The following TGFBR3L variants were observed in gnomAD, a reference collection of about 807,000 sequenced individuals.
TGFBR3L encodes the protein transforming growth factor-beta receptor type 3-like protein.
In TGFBR3L, 21 loss-of-function variants were observed where a neutral mutation model predicts 20.4. The observed-to-expected ratio is 1.03, with a 90% CI of 0.73 to 1.48. The LOEUF (loss-of-function observed/expected upper bound fraction) is 1.48. Ranked by LOEUF, TGFBR3L falls within the 40% of genes most tolerant of loss-of-function variation. TGFBR3L has a pLI of 0.00. For missense variants in TGFBR3L, 479 were observed against 498.0 expected (o/e 0.96, Z 0.36); for synonymous variants, 245 against 244.2 (o/e 1.00, Z -0.03).
chr19:7,916,777 G>A lies in TGFBR3L; in HGVS notation c.432G>A (p.Pro144=), dbSNP rs1000890710. 1.6e-5 allele frequency: 24 copies of A among 1,488,826 alleles called. No homozygotes were observed. Among genetic ancestry groups the A allele is most frequent in the Admixed American group, 4.3e-5 (2 of 46,082 alleles). The allele number at this position is 1,488,826 out of a possible 1,614,324, so 92.2% of individuals were successfully genotyped here. Residue 144 remains proline (P), a synonymous_variant, in exon 2 of 6, where the codon CCG becomes CCA. Transcript: ENST00000565886. ...TCGCCTTCCCGCCACCGCCGCCGCCGAGCCCGGGTGCCGCCCGCCCCGCGC... is the reference window on the plus strand; with the variant it reads ...TCGCCTTCCCGCCACCGCCGCCGCCAAGCCCGGGTGCCGCCCGCCCCGCGC...
chr19:7,916,558 G>T lies in TGFBR3L; in HGVS notation c.276+15G>T, dbSNP rs977898982. On this transcript the variant is annotated intron_variant, in intron 1 of 5. Transcript: ENST00000565886. ...TGTTCGTGCAGGTGGGGACCCCGGG[G>T]ACACCAGGGGCGGATGGGGGCCGGT... The T allele has an allele frequency of 6.7e-5, 98 of 1,457,706 alleles. No homozygotes were observed. Among genetic ancestry groups the T allele is most frequent in the Admixed American group, 6.4e-4 (26 of 40,316 alleles). The allele number at this position is 1,457,706 out of a possible 1,614,324, so 90.3% of individuals were successfully genotyped here.
rs773259760 is a variant in TGFBR3L, at chr19:7,916,513, G to C, written c.246G>C (p.Glu82Asp). ...TTCCTCGCCGCGCGGGGCCGCTCGA[G>C]GTCCCGGCCGACAGCCGCGTGTTCG... The change falls in exon 1 of 6, where the codon GAG becomes GAC. Residue 82 changes from glutamate (E) to aspartate (D), a missense_variant. Glu to Asp is a conservative substitution (Grantham distance 45). Transcript: ENST00000565886. The C allele has an allele frequency of 2.0e-6, 3 of 1,512,218 alleles. No homozygotes were observed. In the Admixed American group the frequency reaches 6.2e-5, roughly 31 times the overall value. The allele number at this position is 1,512,218 out of a possible 1,614,324, so 93.7% of individuals were successfully genotyped here.
Position 7,916,202 on chromosome 19 carries a change from G to A in TGFBR3L, c.-66G>A, listed in dbSNP as rs1219765958. ...CTGCAACCGGCTCAGTTGCTGGGCT[G>A]TGCGAGTCCCAGGGGTCGCCAGGGG... is the stretch of plus-strand genomic sequence containing the variant. On this transcript the variant is annotated 5_prime_UTR_variant, in exon 1 of 6. Transcript: ENST00000565886. 4.4e-5 allele frequency: 66 copies of A among 1,497,630 alleles called. No homozygotes were observed. Among genetic ancestry groups the A allele is most frequent in the Non-Finnish European group, 5.4e-5 (61 of 1,126,636 alleles). The allele number at this position is 1,497,630 out of a possible 1,614,324, so 92.8% of individuals were successfully genotyped here. A position where few individuals can be genotyped will look rare whatever the true frequency, so the allele number is the denominator to read the frequency against.
chr19:7,915,214 A>G lies in TGFBR3L; in HGVS notation c.-1054A>G, dbSNP rs967329541. 3.2e-4 allele frequency among the ~76,000 whole-genome samples: 48 copies of G among 152,080 alleles called. No homozygotes were observed. In the East Asian group the frequency reaches 5.4e-3, roughly 17 times the overall value. ...GGTCTCGAACTCCTGACCTCAGGCG[A>G]TCCGCCCGCCTCGAACTTTTCAAAG... On this transcript the variant is annotated 5_prime_UTR_variant, in exon 1 of 6. Transcript: ENST00000565886.
In TGFBR3L at chr19:7,916,471, C is replaced by T. The variant is rs780926585; in HGVS notation, c.204C>T (p.Ser68=). 5.2e-6 allele frequency: 8 copies of T among 1,532,408 alleles called. No homozygotes were observed. The highest frequency in any genetic ancestry group is 1.4e-5 in the African/African-American group (1 of 72,876). The allele number at this position is 1,532,408 out of a possible 1,614,324, so 94.9% of individuals were successfully genotyped here. The change falls in exon 1 of 6, where the codon TCC becomes TCT. Residue 68 remains serine (S), a synonymous_variant. Transcript: ENST00000565886. Reference sequence around the variant, plus strand: ...GACCCCTCTTCAGCCTGAAGCTGTCCGACACAGAGGACGTCTTTCCTCGCC... The same window carrying T: ...GACCCCTCTTCAGCCTGAAGCTGTCTGACACAGAGGACGTCTTTCCTCGCC...
chr19:7,917,103 G>C (rs868407924), intron 2 of TGFBR3L, 161 bp downstream of exon 3: 7 of 1,088,648 alleles, frequency 6.4e-6, no homozygotes, highest in Non-Finnish European at 7.1e-6. Context: ...GTTTCTCCGG[G>C]GACAGTGTGG....
chr19:7,917,366 C>A, intron 2 of TGFBR3L, 107 bp from the exon 4 acceptor site: 5 of 1,395,736 alleles, frequency 3.6e-6, no homozygotes, highest in Non-Finnish European at 4.7e-6. Context: ...CCCATCTTGG[C>A]TGTGGTGGAG....
chr19:7,918,562 G>A (rs1381833090), intron 5 of TGFBR3L: 1 of 280,836 alleles, frequency 3.6e-6, no homozygotes, highest in Non-Finnish European at 6.6e-6. Context: ...AATGTTTTAC[G>A]CCTATGAACT....
chr19:7,916,035 G>A lies in TGFBR3L; in HGVS notation c.-233G>A, dbSNP rs1983268226. ...AAAGGGGAGCCGCCTGTCCTGCTGC[G>A]TCCCCAAGAGCAGCCCTGGGGAAGG... On this transcript the variant is annotated 5_prime_UTR_variant, in exon 1 of 6. Transcript: ENST00000565886. 7.1e-6 allele frequency: 5 copies of A among 708,240 alleles called. No homozygotes were observed. In the Admixed American group the frequency reaches 1.6e-4, roughly 22 times the overall value. The allele number at this position is 708,240 out of a possible 1,614,324, so 43.9% of individuals were successfully genotyped here.
In TGFBR3L at chr19:7,917,514, C is replaced by T. The variant is rs1184218198; in HGVS notation, c.639C>T (p.Gly213=). Reference sequence around the variant, plus strand: ...AGGCGTGCGCCGACACTGGCAGTGGCAGCGCCGAGGGCCTGGCTGCTGACG... The same window carrying T: ...AGGCGTGCGCCGACACTGGCAGTGGTAGCGCCGAGGGCCTGGCTGCTGACG... The change falls in exon 3 of 6, where the codon GGC becomes GGT. Residue 213 remains glycine, a synonymous_variant. Transcript: ENST00000565886. The T allele has an allele frequency of 3.3e-6, 5 of 1,525,238 alleles. No homozygotes were observed. The highest frequency in any genetic ancestry group is 4.4e-6 in the Non-Finnish European group (5 of 1,142,620). The allele number at this position is 1,525,238 out of a possible 1,614,324, so 94.5% of individuals were successfully genotyped here.
At chr19:7,918,831 C>CTCA (rs1420831974) in intron 5 of TGFBR3L, 86 bp from the exon 7 acceptor site, 9 of 398,128 alleles carry the variant, frequency 2.3e-5, no homozygotes, top group Non-Finnish European at 3.5e-5. Context: ...GCATGCAGAC[C>CTCA]GATGGAAGAG....
rs1034499128 is a variant in TGFBR3L at position 7,917,688 on chromosome 19, G to A, written c.725-13G>A. ...GGGAGCTGGACCCAGTCTCAGCGTG[G>A]CACTTCCCACAGGGCCGCCCAAGAG... is the stretch of plus-strand genomic sequence containing the variant. On this transcript the variant is annotated splice_polypyrimidine_tract_variant and intron_variant, in intron 3 of 5. Coordinates refer to ENST00000565886, the MANE Select transcript of TGFBR3L (RefSeq NM_001195259.2). 8.4e-6 allele frequency: 12 copies of A among 1,422,060 alleles called. No individual in the cohort carries two copies. In the African/African-American group the frequency reaches 1.2e-4, roughly 14 times the overall value. The allele number at this position is 1,422,060 out of a possible 1,614,324, so 88.1% of individuals were successfully genotyped here.
In TGFBR3L at chr19:7,916,446, G is replaced by C. The variant is rs1284886765; in HGVS notation, c.179G>C (p.Arg60Thr). 3 of 1,534,180 alleles carry C rather than the reference G, an allele frequency of 2.0e-6. No individual in the cohort carries two copies. Among genetic ancestry groups the C allele is most frequent in the South Asian group, 2.4e-5 (2 of 83,956 alleles). The change falls in exon 1 of 6, where the codon AGA becomes ACA. Residue 60 changes from arginine to threonine, a missense_variant. Arg to Thr is a moderately conservative substitution (Grantham distance 71). Coordinates refer to ENST00000565886, the MANE Select transcript of TGFBR3L (RefSeq NM_001195259.2). ...GCGGCGCCCGGCCCCTGGCTGCGCA[G>C]ACCCCTCTTCAGCCTGAAGCTGTCC... is the stretch of plus-strand genomic sequence containing the variant.
Position 7,917,597 on chromosome 19 carries a change from C to G in TGFBR3L, c.722C>G (p.Pro241Arg), listed in dbSNP as rs766837564. Reference sequence around the variant, plus strand: ...GTGGTCACCGTGCCGCGGCCGCCCCCCAGTGAGCACGCAGTCCTCCTCCGC... The same window carrying G: ...GTGGTCACCGTGCCGCGGCCGCCCCGCAGTGAGCACGCAGTCCTCCTCCGC... Residue 241 changes from proline to arginine, a missense_variant and splice_region_variant, in exon 3 of 6, where the codon CCC (proline) becomes CGC (arginine). Coordinates refer to ENST00000565886, the MANE Select transcript of TGFBR3L (RefSeq NM_001195259.2). 1.6e-4 allele frequency: 231 copies of G among 1,474,844 alleles called. 2 individuals carry two copies. The South Asian group carries it at 2.0e-3, about 13-fold the overall frequency. The allele number at this position is 1,474,844 out of a possible 1,614,324, so 91.4% of individuals were successfully genotyped here.
chr19:7,916,175 C>T lies in TGFBR3L; in HGVS notation c.-93C>T. 2 of 1,466,636 alleles carry T rather than the reference C, an allele frequency of 1.4e-6. No individual in the cohort carries two copies. Among genetic ancestry groups the T allele is most frequent in the South Asian group, 2.7e-5 (2 of 72,770 alleles). The allele number at this position is 1,466,636 out of a possible 1,614,324, so 90.9% of individuals were successfully genotyped here. On this transcript the variant is annotated 5_prime_UTR_variant, in exon 1 of 6. Transcript: ENST00000565886. ...CGGAGGCTTCTCTAGGGGCGCATGG[C>T]TCTGCAACCGGCTCAGTTGCTGGGC...
At position 7,918,081 on chromosome 19, in the gene TGFBR3L, C is replaced by G. The variant is rs1030687986; in HGVS notation, c.908C>G (p.Ala303Gly). 6.5e-7 allele frequency: 1 copy of G among 1,535,800 alleles called. No individual in the cohort carries two copies. The highest frequency in any genetic ancestry group is 8.7e-7 in the Non-Finnish European group (1 of 1,146,740). Residue 303 changes from alanine to glycine, a missense_variant, in exon 5 of 6, where the codon GCG becomes GGG. Physicochemically the swap from Ala to Gly is moderately conservative, Grantham distance 60 (BLOSUM62 0). Coordinates refer to ENST00000565886, the MANE Select transcript of TGFBR3L (RefSeq NM_001195259.2). The stretch of plus-strand genomic sequence containing the variant: ...GCGCCCCACGCCCCTGGCCCGCCCG[C>G]GAGAGCCTCGCCCAGCGGTCCCCAG...
rs1439090550 is a variant in TGFBR3L at position 7,915,752 on chromosome 19, A to G, written c.-516A>G. ...GACCCTGTCTCAGAAAACAAGAAAA[A>G]TGGATGTGCAGGCAATCTTTCGTAT... On this transcript the variant is annotated 5_prime_UTR_variant, in exon 1 of 6. Transcript: ENST00000565886. 6.6e-6 allele frequency among the ~76,000 whole-genome samples: 1 copy of G among 152,178 alleles called. No homozygotes were observed. Among genetic ancestry groups the G allele is most frequent in the Non-Finnish European group, 1.5e-5 (1 of 68,022 alleles).
intron 5 of TGFBR3L, 170 bp from the exon 7 acceptor site, chr19:7,918,747 C>CAGGGGCATTAGGTGAGG (rs1284520648): frequency 1.3e-5 from 5 of 396,436 alleles, no homozygotes; most frequent in Non-Finnish European, 2.2e-5. Flanking sequence ...TGGGTCGAGC[C>CAGGGGCATTAGGTGAGG]AGGGGCATTA....
chr19:7,916,456 C>T lies in TGFBR3L; in HGVS notation c.189C>T (p.Phe63=), dbSNP rs1439603030. 3.9e-6 allele frequency: 6 copies of T among 1,533,800 alleles called. No individual in the cohort carries two copies. In the East Asian group the frequency reaches 1.5e-4, roughly 38 times the overall value. ...GCCCCTGGCTGCGCAGACCCCTCTT[C>T]AGCCTGAAGCTGTCCGACACAGAGG... Residue 63 remains phenylalanine, a synonymous_variant, in exon 1 of 6, where the codon TTC becomes TTT. Coordinates refer to ENST00000565886, the MANE Select transcript of TGFBR3L (RefSeq NM_001195259.2).
Sources: gnomAD v4.1 joint callset for allele counts (sites outside exome capture counted in the v4.1 genomes callset) on GRCh38, gnomAD v4.1.1 for gene constraint, MANE v1.5 for transcripts, NCBI Gene and HGNC (gene_info 2026-07-23, HGNC 2026-07-21) for gene names.